PTGIS: variants seen among roughly 807,000 people sequenced by gnomAD.
The protein encoded by PTGIS is prostacyclin synthase.
A neutral mutation model predicts 50.3 loss-of-function variants in PTGIS; 45 were observed. The ratio of observed to expected loss-of-function variants is 0.90; its 90% CI spans 0.70 to 1.15. The LOEUF is 1.15. PTGIS is among the 50% of genes most tolerant of loss of function. The pLI is 0.00. For missense variants in PTGIS, 668 were observed against 661.3 expected (o/e 1.01, Z -0.11); for synonymous variants, 260 against 267.7 (o/e 0.97, Z 0.28).
intron 6 of PTGIS, among the ~76,000 whole-genome samples, chr20:49,519,386 C>T (rs1056819903): frequency 1.5e-4 from 23 of 152,182 alleles, no homozygotes; most frequent in Admixed American, 1.3e-3. Flanking sequence ...ATTATTATTC[C>T]TGACTCATCA....
At chr20:49,514,807 A>G (rs1185049624) in intron 6 of PTGIS, among the ~76,000 whole-genome samples, 1 of 152,136 alleles carries the variant, frequency 6.6e-6, no homozygotes, top group Non-Finnish European at 1.5e-5. Context: ...TGTTCCTCCT[A>G]TTCAAGAGCC....
chr20:49,554,112 C>T (rs1477270107), intron 1 of PTGIS, among the ~76,000 whole-genome samples: 1 of 152,064 alleles, frequency 6.6e-6, no homozygotes, highest in Non-Finnish European at 1.5e-5. Flanking sequence ...ATTTTTTTAA[C>T]TCAAAAGTTC....
intron 3 of PTGIS, among the ~76,000 whole-genome samples, chr20:49,545,833 CCTGCTGTTTGGGAAGTAGGATGGA>C (rs11467064): frequency 0.88 from 133,465 of 150,938 alleles, 59,317 homozygotes; most frequent in African/African-American, 0.97. Context: ...ATCTGTCATG[CCTGCTGTTTGGGAAGTAGGATGGA>C]CTGCTGTTTG....
At chr20:49,564,736 G>T (rs1253440811) in intron 1 of PTGIS, among the ~76,000 whole-genome samples, 2 of 152,140 alleles carry the variant, frequency 1.3e-5, no homozygotes, top group Non-Finnish European at 2.9e-5. Flanking sequence ...GTCTTACTGG[G>T]ATAAGCATGA....
At chr20:49,550,044 C>T in intron 2 of PTGIS, 22 bp downstream of exon 2, 1 of 1,614,082 alleles carries the variant, frequency 6.2e-7, no homozygotes. Flanking sequence ...CCCATCCCTC[C>T]CGAGGCACAA....
At chr20:49,567,895 G>T in intron 1 of PTGIS, 148 bp downstream of exon 1, 1 of 674,702 alleles carries the variant, frequency 1.5e-6, no homozygotes, top group Non-Finnish European at 2.1e-6. Flanking sequence ...GGGGCCCCGG[G>T]ACTCCCACCT....
intron 6 of PTGIS, among the ~76,000 whole-genome samples, chr20:49,516,496 A>G (rs1269962432): frequency 6.6e-6 from 1 of 152,226 alleles, no homozygotes. Context: ...GCTGTATCCA[A>G]ATCATTTCTA....
At position 49,514,266 on chromosome 20, in the gene PTGIS, T is replaced by C. The variant is rs1237628942; in HGVS notation, c.985A>G (p.Thr329Ala). The C allele has an allele frequency of 2.5e-6, 4 of 1,613,562 alleles. No individual in the cohort carries two copies. The highest frequency in any genetic ancestry group is 3.4e-6 in the Non-Finnish European group (4 of 1,179,952). Residue 329 changes from threonine to alanine, a missense_variant, in exon 7 of 10, where the codon ACT becomes GCT. Physicochemically the swap from Thr to Ala is moderately conservative, Grantham distance 58. Transcript: ENST00000244043. ...QAEQPVSQTTTLPQKVLDSTP... is the reference protein window; with the variant it reads ...QAEQPVSQTTALPQKVLDSTP... ...CTGTCTAGAACCTTCTGTGGGAGAGTGGTCGTCTGCGAGACAGGCTGCTCC... is the reference window on the plus strand; with the variant it reads ...CTGTCTAGAACCTTCTGTGGGAGAGCGGTCGTCTGCGAGACAGGCTGCTCC...
chr20:49,513,411 A>G, intron 7 of PTGIS, 150 bp from the exon 8 acceptor site: 1 of 868,548 alleles, frequency 1.2e-6, no homozygotes, highest in South Asian at 1.5e-5. Flanking sequence ...GTGAAAAAGG[A>G]CACACGATGA....
chr20:49,539,554 C>T lies in PTGIS; in HGVS notation c.673+16G>A, dbSNP rs1014414793. 6.2e-7 allele frequency: 1 copy of T among 1,611,898 alleles called. No individual in the cohort carries two copies. Among genetic ancestry groups the T allele is most frequent in the Non-Finnish European group, 8.5e-7 (1 of 1,179,088 alleles). On this transcript the variant is annotated intron_variant, in intron 5 of 9. Transcript: ENST00000244043. ...CCATCCTCCCCCCCACCCACTGGGG[C>T]CCCCATGGTGCTTACCCACTGACAG...
chr20:49,516,034 C>A (rs60169668), intron 6 of PTGIS, among the ~76,000 whole-genome samples: 2,656 of 145,844 alleles, frequency 0.018, 104 homozygotes, highest in Admixed American at 0.1. Flanking sequence ...GCATGTGCTA[C>A]CCAGCTAGGT....
rs936193090 is a variant in PTGIS, at chr20:49,504,858, C to A, written c.*3062G>T. On this transcript the variant is annotated 3_prime_UTR_variant, in exon 10 of 10. Transcript: ENST00000244043. ...TTTTATTCTTGGCTGGGCGCGGTGG[C>A]TCACACCTGTAATCCCAGCACTTTG... The A allele has an allele frequency of 1.3e-5, 2 of 151,996 alleles. No individual in the cohort carries two copies. Among genetic ancestry groups the A allele is most frequent in the Non-Finnish European group, 2.9e-5 (2 of 68,028 alleles). 9.4% of individuals were successfully genotyped at this position (151,996 alleles called of 1,614,324 possible).
intron 5 of PTGIS, among the ~76,000 whole-genome samples, chr20:49,534,867 T>C (rs915734953): frequency 1.3e-5 from 2 of 151,864 alleles, no homozygotes; most frequent in Non-Finnish European, 2.9e-5. Context: ...TTAACCAGGC[T>C]CAGTGGCACG....
intron 1 of PTGIS, among the ~76,000 whole-genome samples, chr20:49,551,806 T>TTGTGTGTGTGTGTGTGTG (rs58517059): frequency 5.6e-5 from 8 of 142,680 alleles, no homozygotes; most frequent in South Asian, 2.3e-4. Flanking sequence ...GTGTATGTGT[T>TTGTGTGTGTGTGTGTGTG]TGTGTGTGTG....
intron 5 of PTGIS, among the ~76,000 whole-genome samples, chr20:49,526,052 T>G (rs1321420602): frequency 6.6e-6 from 1 of 152,212 alleles, no homozygotes; most frequent in Non-Finnish European, 1.5e-5. Context: ...TAAGCTTAAG[T>G]GTTCAACTGA....
In PTGIS at chr20:49,511,026, A is replaced by G. The variant is rs13306026; in HGVS notation, c.1358+2T>C. On this transcript the variant is annotated splice_donor_variant, in intron 9 of 9. Coordinates refer to ENST00000244043, the MANE Select transcript of PTGIS (RefSeq NM_000961.4). LOFTEE classifies it high-confidence loss of function. ...CTGGCCCTGCCCTGGCCCCCCACTCACTGTTTGATGCTGTTGACCGCATAA... is the reference window on the plus strand; with the variant it reads ...CTGGCCCTGCCCTGGCCCCCCACTCGCTGTTTGATGCTGTTGACCGCATAA... 6.5e-5 allele frequency: 105 copies of G among 1,612,506 alleles called. No individual in the cohort carries two copies. The East Asian group carries it at 2.3e-3, about 35-fold the overall frequency.
intron 5 of PTGIS, among the ~76,000 whole-genome samples, chr20:49,532,864 T>C (rs753884733): frequency 6.6e-6 from 1 of 152,128 alleles, no homozygotes. Context: ...TCAGGAGGAT[T>C]CAGAAAGATC....
chr20:49,550,202 T>C lies in PTGIS; in HGVS notation c.75-13A>G. ...CTCACCAGGTCGCCTACAGAAGCCA[T>C]GGCACTTGTCACCATTTGATAAGGC... is the stretch of plus-strand genomic sequence containing the variant. On this transcript the variant is annotated splice_polypyrimidine_tract_variant and intron_variant, in intron 1 of 9. Transcript: ENST00000244043. 2 of 1,611,276 alleles carry C rather than the reference T, an allele frequency of 1.2e-6. No homozygotes were observed. Among genetic ancestry groups the C allele is most frequent in the South Asian group, 2.2e-5 (2 of 91,058 alleles).
Position 49,550,066 on chromosome 20 carries a change from A to G in PTGIS, c.198T>C (p.Thr66=). ...CTCCCGAGGCACAAGAGGCACTTAC[A>G]GTAAAGATGTCACCGTGCTTCTCCT... is the stretch of plus-strand genomic sequence containing the variant. ...RMKEKHGDIF[T]ILVGGRYVTV... Residue 66 remains threonine (T), a splice_region_variant and synonymous_variant, in exon 2 of 10, where the codon ACT becomes ACC. Coordinates refer to ENST00000244043, the MANE Select transcript of PTGIS (RefSeq NM_000961.4). 1 of 1,614,202 alleles carries G rather than the reference A, an allele frequency of 6.2e-7. No homozygotes were observed. The highest frequency in any genetic ancestry group is 8.5e-7 in the Non-Finnish European group (1 of 1,180,032).
Sources: allele counts gnomAD v4.1 joint callset (sites outside exome capture counted in the v4.1 genomes callset), GRCh38; gene constraint gnomAD v4.1.1; transcripts MANE v1.5; gene names NCBI Gene and HGNC (gene_info 2026-07-23, HGNC 2026-07-21).